CLSTN2: variants seen among roughly 807,000 people sequenced by gnomAD.
CLSTN2 encodes calsyntenin-2.
In CLSTN2, 48 loss-of-function variants were observed where a neutral mutation model predicts 101.2. That is an observed-to-expected ratio of 0.47 (90% confidence interval 0.38 to 0.60). CLSTN2 has a LOEUF of 0.60. Among genes scored for constraint, CLSTN2 ranks in the 20% least tolerant of loss-of-function variants. The pLI is 0.00. For synonymous variants in CLSTN2, 481 were observed against 463.6 expected (o/e 1.04, Z -0.48); for missense variants, 1,160 against 1,238.2 (o/e 0.94, Z 0.95).
intron 1 of CLSTN2, among the ~76,000 whole-genome samples, chr3:140,132,516 T>G (rs1306553852): frequency 6.6e-6 from 1 of 152,160 alleles, no homozygotes; most frequent in African/African-American, 2.4e-5. Context: ...CCCAATTTTT[T>G]GTCCAGGCTC....
intron 1 of CLSTN2, among the ~76,000 whole-genome samples, chr3:139,937,922 A>G (rs1935057488): frequency 6.6e-6 from 1 of 152,016 alleles, no homozygotes; most frequent in Non-Finnish European, 1.5e-5. Context: ...TTCAAGATAA[A>G]TGTGTAATAT....
chr3:140,039,378 T>G (rs1478686881), intron 1 of CLSTN2, among the ~76,000 whole-genome samples: 1 of 152,216 alleles, frequency 6.6e-6, no homozygotes, highest in Admixed American at 6.6e-5. Context: ...TTTTGCCAAA[T>G]TTCTTTCCCC....
chr3:140,311,472 ATT>A (rs1241981397), intron 2 of CLSTN2, among the ~76,000 whole-genome samples: 16 of 129,612 alleles, frequency 1.2e-4, no homozygotes, highest in Non-Finnish European at 1.1e-4. Context: ...TGCCTGGCTA[ATT>A]TTTTTTTTTT....
intron 2 of CLSTN2, among the ~76,000 whole-genome samples, chr3:140,361,150 T>C (rs897691719): frequency 6.6e-6 from 1 of 152,192 alleles, no homozygotes; most frequent in African/African-American, 2.4e-5. Flanking sequence ...AAAAGTATTA[T>C]ACAACATGAC....
intron 2 of CLSTN2, among the ~76,000 whole-genome samples, chr3:140,367,145 G>C (rs2087800198): frequency 6.6e-6 from 1 of 152,178 alleles, no homozygotes; most frequent in Non-Finnish European, 1.5e-5. Flanking sequence ...CACATAAAAA[G>C]GAGAAGAATT....
At chr3:140,220,660 T>A (rs4683814) in intron 2 of CLSTN2, among the ~76,000 whole-genome samples, 1 of 152,236 alleles carries the variant, frequency 6.6e-6, no homozygotes, top group African/African-American at 2.4e-5. Context: ...CTAAAGATAA[T>A]GTGAGTGGAT....
intron 8 of CLSTN2, among the ~76,000 whole-genome samples, chr3:140,486,077 C>T (rs866774894): frequency 1.3e-5 from 2 of 151,734 alleles, no homozygotes; most frequent in Non-Finnish European, 2.9e-5. Context: ...CCTATTTGGC[C>T]GTCTTGGCTC....
intron 2 of CLSTN2, among the ~76,000 whole-genome samples, chr3:140,307,606 C>A (rs2087127406): frequency 6.6e-6 from 1 of 152,106 alleles, no homozygotes. Flanking sequence ...GGGACTATGC[C>A]TTTTTCAGGA....
At chr3:140,500,127 G>T (rs1455615585) in intron 8 of CLSTN2, among the ~76,000 whole-genome samples, 1 of 152,064 alleles carries the variant, frequency 6.6e-6, no homozygotes, top group Non-Finnish European at 1.5e-5. Flanking sequence ...GAACTTCATG[G>T]GGAGCTCAGG....
intron 7 of CLSTN2, chr3:140,461,229 T>C (rs1377394777): frequency 6.6e-6 from 1 of 152,196 alleles, no homozygotes; most frequent in Non-Finnish European, 1.5e-5. Flanking sequence ...ATAGCAAGTC[T>C]ATGTAGAAGT....
intron 2 of CLSTN2, among the ~76,000 whole-genome samples, chr3:140,211,531 C>CTGTGTGTGTG (rs60408720): frequency 1.2e-4 from 17 of 142,490 alleles, no homozygotes; most frequent in Admixed American, 2.8e-4. Context: ...GGATCAAAAT[C>CTGTGTGTGTG]TGTGTGTGTG....
At chr3:140,076,628 T>TTTTTG (rs2008496096) in intron 1 of CLSTN2, among the ~76,000 whole-genome samples, 1 of 53,082 alleles carries the variant, frequency 1.9e-5, no homozygotes, top group Admixed American at 1.8e-4. Flanking sequence ...CAGCAGTGTT[T>TTTTTG]TTTTTTTTTT....
chr3:140,188,472 G>A (rs1210408529), intron 2 of CLSTN2, among the ~76,000 whole-genome samples: 2 of 152,126 alleles, frequency 1.3e-5, no homozygotes, highest in African/African-American at 2.4e-5. Context: ...ACCTTGCAGG[G>A]GTTAATCCCA....
Position 140,313,100 on chromosome 3 carries a change from A to G in CLSTN2, c.233-90529A>G, listed in dbSNP as rs377707184. ...ATGGTTCTACGTACTGGGGATATAA[A>G]GATGGCTGAATCTGACACTGCCTGT... On this transcript the variant is annotated intron_variant, in intron 2 of 16. Transcript: ENST00000458420. Among the ~76,000 whole-genome samples the G allele has an allele frequency of 8.3e-4, 127 of 152,352 alleles. 1 individual carries two copies. The highest frequency in any genetic ancestry group is 2.9e-3 in the African/African-American group (120 of 41,594).
intron 2 of CLSTN2, among the ~76,000 whole-genome samples, chr3:140,206,523 C>T (rs1471728434): frequency 6.6e-6 from 1 of 152,158 alleles, no homozygotes; most frequent in African/African-American, 2.4e-5. Flanking sequence ...CCCATCGGCT[C>T]TTATCAAATA....
intron 1 of CLSTN2, among the ~76,000 whole-genome samples, chr3:140,009,853 A>G (rs1264522734): frequency 6.6e-6 from 1 of 152,252 alleles, no homozygotes; most frequent in African/African-American, 2.4e-5. Flanking sequence ...ATCAGCACTC[A>G]TGAGTCACTA....
At chr3:140,028,313 C>T (rs1344161881) in intron 1 of CLSTN2, among the ~76,000 whole-genome samples, 1 of 152,114 alleles carries the variant, frequency 6.6e-6, no homozygotes, top group African/African-American at 2.4e-5. Flanking sequence ...CAGCCAGGCC[C>T]CAGAACACTA....
intron 1 of CLSTN2, among the ~76,000 whole-genome samples, chr3:140,075,901 C>G (rs1449327296): frequency 6.6e-6 from 1 of 151,942 alleles, no homozygotes; most frequent in African/African-American, 2.4e-5. Flanking sequence ...TCTGCAGTTC[C>G]TATCTTGTGC....
intron 8 of CLSTN2, among the ~76,000 whole-genome samples, chr3:140,469,002 CT>C (rs1432882165): frequency 2.0e-4 from 30 of 152,264 alleles, no homozygotes; most frequent in African/African-American, 6.7e-4. Context: ...AATTTGGTTC[CT>C]GTTAAGAGAT....
Sources: allele counts gnomAD v4.1 joint callset (sites outside exome capture counted in the v4.1 genomes callset), GRCh38; gene constraint gnomAD v4.1.1; transcripts MANE v1.5; gene names NCBI Gene and HGNC (gene_info 2026-07-23, HGNC 2026-07-21).